Variants in MARCHF6 observed in about 807,000 individuals in gnomAD.
The protein encoded by MARCHF6 is E3 ubiquitin-protein ligase MARCHF6.
Under a neutral mutation model 133.7 loss-of-function variants are expected in MARCHF6, and 31 were observed. The ratio of observed to expected loss-of-function variants is 0.23; its 90% CI spans 0.17 to 0.31. The LOEUF (loss-of-function observed/expected upper bound fraction) is 0.31, where lower values mean the gene tolerates loss of function less well. MARCHF6 is among the 10% of genes least tolerant of loss of function. The pLI is 1.00. For missense variants in MARCHF6, 723 were observed against 1,121.6 expected, an observed-to-expected ratio of 0.64 and a Z score of 5.08; for synonymous variants, 395 against 402.5, an observed-to-expected ratio of 0.98 and a Z score of 0.22.
intron 10 of MARCHF6, 70 bp downstream of exon 10, chr5:10,397,414 A>G: frequency 8.9e-7 from 1 of 1,124,628 alleles, no homozygotes; most frequent in Non-Finnish European, 1.3e-6. Flanking sequence ...GAGCCTTGTT[A>G]TAGGTTTATT....
At position 10,417,375 on chromosome 5, in the gene MARCHF6, G is replaced by T; in HGVS notation, c.2254G>T (p.Asp752Tyr). The part of the protein sequence containing the change: ...VIVAPLRVPL[D>Y]QTPLFYPWQD... ...TGTGGCTCCCCTGAGGGTTCCCTTG[G>T]ATCAGACTCCTCTTTTTTATCCATG... Residue 752 changes from aspartate to tyrosine, a missense_variant, in exon 22 of 26, where the codon GAT (aspartate) becomes TAT (tyrosine). Asp to Tyr is a radical substitution (Grantham distance 160). This residue lies in a region of MARCHF6 where 492 missense variants were observed against 699.5 expected (regional missense o/e 0.70). Coordinates refer to ENST00000274140, the MANE Select transcript of MARCHF6 (RefSeq NM_005885.4). 6.2e-7 allele frequency: 1 copy of T among 1,614,000 alleles called. No homozygotes were observed.
intron 3 of MARCHF6, 25 bp from the exon 4 acceptor site, chr5:10,381,773 CTG>C (rs976555153): frequency 2.6e-6 from 4 of 1,545,494 alleles, no homozygotes; most frequent in African/African-American, 2.8e-5. Context: ...CTTCATGAAA[CTG>C]TAAGTACTTT....
At position 10,435,681 on chromosome 5, in the gene MARCHF6, A is replaced by G. The variant is rs1561159609; in HGVS notation, c.*1997A>G. 1 of 5,734 alleles carries G rather than the reference A, an allele frequency of 1.7e-4. No individual in the cohort carries two copies. The highest frequency in any genetic ancestry group is 2.7e-4 in the Non-Finnish European group (1 of 3,680). 0.4% of individuals were successfully genotyped at this position (5,734 alleles called of 1,614,324 possible). A position where few individuals can be genotyped will look rare whatever the true frequency, so the allele number is the denominator to read the frequency against. On this transcript the variant is annotated 3_prime_UTR_variant, in exon 26 of 26. Transcript: ENST00000274140. The stretch of plus-strand genomic sequence containing the variant: ...TATATATATATATATATATATATAT[A>G]TATATATATATATATATTTTTTTTT...
chr5:10,383,203 C>T (rs1200480415), intron 4 of MARCHF6, among the ~76,000 whole-genome samples: 1 of 152,084 alleles, frequency 6.6e-6, no homozygotes, highest in African/African-American at 2.4e-5. Context: ...GAAAATGTAT[C>T]AAGGAATTCT....
chr5:10,387,155 ATTCTT>A lies in MARCHF6; in HGVS notation c.407+92_407+96del, dbSNP rs1394186183. On this transcript the variant is annotated intron_variant, in intron 5 of 25. Coordinates refer to ENST00000274140, the MANE Select transcript of MARCHF6 (RefSeq NM_005885.4). ...ATATTTATTTTATTATAATTTGTAAATTCTTTTGTTTTGAGAACAATAATTTATGT... is the reference window on the plus strand; with the variant it reads ...ATATTTATTTTATTATAATTTGTAAATTGTTTTGAGAACAATAATTTATGT... The A allele has an allele frequency of 6.3e-5, 62 of 986,082 alleles. No homozygotes were observed. The South Asian group carries it at 7.7e-4, about 12-fold the overall frequency. 61.1% of individuals were successfully genotyped at this position (986,082 alleles called of 1,614,324 possible).
intron 1 of MARCHF6, among the ~76,000 whole-genome samples, chr5:10,358,120 C>G (rs1338746150): frequency 6.6e-6 from 1 of 152,040 alleles, no homozygotes; most frequent in African/African-American, 2.4e-5. Flanking sequence ...GTTAGCCATG[C>G]AGATACTCTG....
At chr5:10,363,389 T>C (rs142402364) in intron 1 of MARCHF6, among the ~76,000 whole-genome samples, 215 of 152,324 alleles carry the variant, frequency 1.4e-3, no homozygotes, top group African/African-American at 5.0e-3. Context: ...TACATGTACA[T>C]GGCTATTAAG....
rs1554028196 is a variant in MARCHF6 at position 10,439,684 on chromosome 5, T to A, written c.*6000T>A. ...TTTTCCATTTGTTTTCAACATTGAA[T>A]CCAGAATGTTCTTCTTGAGATCCAA... is the stretch of plus-strand genomic sequence containing the variant. On this transcript the variant is annotated 3_prime_UTR_variant, in exon 26 of 26. Coordinates refer to ENST00000274140, the MANE Select transcript of MARCHF6 (RefSeq NM_005885.4). 1 of 152,256 alleles carries A rather than the reference T, an allele frequency of 6.6e-6. No individual in the cohort carries two copies. Among genetic ancestry groups the A allele is most frequent in the Non-Finnish European group, 1.5e-5 (1 of 68,058 alleles). The allele number at this position is 152,256 out of a possible 1,614,324, so 9.4% of individuals were successfully genotyped here.
At chr5:10,380,155 T>TTTTGTG (rs1491453527) in intron 3 of MARCHF6, among the ~76,000 whole-genome samples, 1 of 145,752 alleles carries the variant, frequency 6.9e-6, no homozygotes, top group Admixed American at 6.8e-5. Flanking sequence ...TGTGTTTTAG[T>TTTTGTG]TGTGTGTGTG....
rs1437217245 is a variant in MARCHF6 at position 10,439,821 on chromosome 5, TG to T, written c.*6138del. On this transcript the variant is annotated 3_prime_UTR_variant, in exon 26 of 26. Coordinates refer to ENST00000274140, the MANE Select transcript of MARCHF6 (RefSeq NM_005885.4). ...TGAAGCACCCCTTTTCTCCCTTCTC[TG>T]ACCCCATCACCTCTGTGTTCACCCT... The T allele has an allele frequency of 6.6e-6, 1 of 152,632 alleles. No homozygotes were observed. Among genetic ancestry groups the T allele is most frequent in the Non-Finnish European group, 1.5e-5 (1 of 68,240 alleles). The allele number at this position is 152,632 out of a possible 1,614,324, so 9.5% of individuals were successfully genotyped here.
At chr5:10,410,761 T>G (rs1428481816) in intron 18 of MARCHF6, among the ~76,000 whole-genome samples, 3 of 152,232 alleles carry the variant, frequency 2.0e-5, no homozygotes, top group Non-Finnish European at 4.4e-5. Flanking sequence ...TGTAGGTATC[T>G]TAAAGGTGAA....
In MARCHF6 at chr5:10,394,077, T is replaced by A. The variant is rs1202950298; in HGVS notation, c.767-5T>A. 2 of 1,519,296 alleles carry A rather than the reference T, an allele frequency of 1.3e-6. No individual in the cohort carries two copies. The highest frequency in any genetic ancestry group is 1.8e-6 in the Non-Finnish European group (2 of 1,126,936). 94.1% of individuals were successfully genotyped at this position (1,519,296 alleles called of 1,614,324 possible). ...GTAATCTTTAAATTGCAATTATATT[T>A]TCAGATGACATGAATTGGAATGCTT... On this transcript the variant is annotated splice_region_variant and splice_polypyrimidine_tract_variant and intron_variant, in intron 7 of 25. Transcript: ENST00000274140.
At chr5:10,410,831 G>A (rs1739188276) in intron 18 of MARCHF6, among the ~76,000 whole-genome samples, 1 of 152,094 alleles carries the variant, frequency 6.6e-6, no homozygotes. Context: ...TCCTCCCCCA[G>A]TCTCATTTCT....
chr5:10,376,506 C>A (rs1736788187), intron 1 of MARCHF6, among the ~76,000 whole-genome samples: 1 of 152,246 alleles, frequency 6.6e-6, no homozygotes, highest in African/African-American at 2.4e-5. Flanking sequence ...GACCAAGAAC[C>A]CACTAATTCC....
At chr5:10,413,049 C>T (rs1025649294) in intron 19 of MARCHF6, among the ~76,000 whole-genome samples, 4 of 152,138 alleles carry the variant, frequency 2.6e-5, no homozygotes, top group African/African-American at 9.7e-5. Context: ...GCACCTTGAG[C>T]ACCCTCTGCA....
chr5:10,405,727 C>G, intron 16 of MARCHF6, 50 bp downstream of exon 16: 1 of 1,526,656 alleles, frequency 6.6e-7, no homozygotes, highest in Non-Finnish European at 8.7e-7. Flanking sequence ...TTGTGCTAAC[C>G]TATAGTTTTG....
At chr5:10,382,082 A>T in intron 4 of MARCHF6, 139 bp downstream of exon 4, 1 of 933,078 alleles carries the variant, frequency 1.1e-6, no homozygotes, top group Non-Finnish European at 1.6e-6. Context: ...GGAAAGCCTT[A>T]CTTAGAAGAT....
chr5:10,400,382 A>G (rs2126757683), intron 10 of MARCHF6, among the ~76,000 whole-genome samples: 1 of 152,222 alleles, frequency 6.6e-6, no homozygotes. Context: ...GGGTGTGCTA[A>G]CTGCTTCCAA....
At position 10,411,352 on chromosome 5, in the gene MARCHF6, T is replaced by G. The variant is rs1341345416; in HGVS notation, c.1711T>G (p.Leu571Val). ...GCACAGGGATCTTCATTCTTATTTA[T>G]TGGGAGACCAGGAAGAAAATGAAAA... is the stretch of plus-strand genomic sequence containing the variant. The part of the protein sequence containing the change: ...GYLLDLHSYL[L>V]GDQEENENSA... The change falls in exon 19 of 26, where the codon TTG becomes GTG. Residue 571 changes from leucine to valine, a missense_variant. Physicochemically the swap from Leu to Val is conservative, Grantham distance 32 (BLOSUM62 1). This residue lies in a region of MARCHF6 where 492 missense variants were observed against 699.5 expected (regional missense o/e 0.70). Transcript: ENST00000274140. 1 of 1,614,060 alleles carries G rather than the reference T, an allele frequency of 6.2e-7. No homozygotes were observed. Among genetic ancestry groups the G allele is most frequent in the African/African-American group, 1.3e-5 (1 of 74,920 alleles).
Sources: allele counts gnomAD v4.1 joint callset (sites outside exome capture counted in the v4.1 genomes callset), GRCh38; gene constraint gnomAD v4.1.1; regional missense constraint gnomAD v4.1.1; transcripts MANE v1.5; gene names NCBI Gene and HGNC (gene_info 2026-07-23, HGNC 2026-07-21).